BFSP2: variants seen among roughly 807,000 people sequenced by gnomAD.
BFSP2 encodes the protein beaded filament structural protein 2, also known as phakinin.
BFSP2 carries 38 observed loss-of-function variants against 44.9 expected under a neutral mutation model. The ratio of observed to expected loss-of-function variants is 0.85; its 90% CI spans 0.65 to 1.11. BFSP2 has a LOEUF of 1.11. Ranked by LOEUF, BFSP2 falls within the 50% of genes least tolerant of loss-of-function variation. The pLI, the probability that BFSP2 is intolerant of heterozygous loss-of-function variation, is 0.00. For missense variants in BFSP2, 525 were observed against 533.0 expected, an observed-to-expected ratio of 0.99 and a Z score of 0.15; for synonymous variants, 197 against 209.9, an observed-to-expected ratio of 0.94 and a Z score of 0.53.
Position 133,430,905 on chromosome 3 carries a change from G to T in BFSP2, c.490-16412G>T, listed in dbSNP as rs199979904. ...CACCTCCCCTCCTCACACCTGGTCC[G>T]GCTTATGGTTTCATTCCGTGACTAG... On this transcript the variant is annotated intron_variant, in intron 1 of 6. Transcript: ENST00000302334. Among the ~76,000 whole-genome samples the T allele has an allele frequency of 2.5e-3, 387 of 151,968 alleles. 2 individuals are homozygous for T. Among genetic ancestry groups the T allele is most frequent in the Non-Finnish European group, 3.6e-3 (248 of 67,978 alleles).
intron 4 of BFSP2, among the ~76,000 whole-genome samples, chr3:133,458,623 A>G (rs192850899): frequency 1.1e-4 from 16 of 152,314 alleles, no homozygotes; most frequent in Admixed American, 7.2e-4. Flanking sequence ...TGAACCCAGG[A>G]GGTGGAGGAT....
At chr3:133,420,390 G>C (rs1559962026) in intron 1 of BFSP2, among the ~76,000 whole-genome samples, 2 of 152,220 alleles carry the variant, frequency 1.3e-5, no homozygotes, top group Non-Finnish European at 2.9e-5. Context: ...TAAAGAAGCA[G>C]CAGTCATCAC....
rs1006159549 is a variant in BFSP2 at position 133,448,915 on chromosome 3, G to T, written c.729+270G>T. 10 of 461,258 alleles carry T rather than the reference G, an allele frequency of 2.2e-5. No individual in the cohort carries two copies. The South Asian group carries it at 2.4e-4, about 11-fold the overall frequency. The allele number at this position is 461,258 out of a possible 1,614,324, so 28.6% of individuals were successfully genotyped here. ...TTGGCACTAGCAAATGAGGGAACTT[G>T]TGTTAAATTAGAGGGAGCAACCCCT... On this transcript the variant is annotated intron_variant, in intron 3 of 6. Coordinates refer to ENST00000302334, the MANE Select transcript of BFSP2 (RefSeq NM_003571.4).
chr3:133,418,545 G>A (rs767907613), intron 1 of BFSP2, among the ~76,000 whole-genome samples: 1 of 152,110 alleles, frequency 6.6e-6, no homozygotes. Flanking sequence ...GGCCAGGAAC[G>A]TCTCCAGGGA....
Position 133,446,570 on chromosome 3 carries a change from TTATATATATATATATA to T in BFSP2, c.490-692_490-677del, listed in dbSNP as rs1168844039. On this transcript the variant is annotated intron_variant, in intron 1 of 6. Coordinates refer to ENST00000302334, the MANE Select transcript of BFSP2 (RefSeq NM_003571.4). ...CCTATCAGAGCCTTCAGCTCACCATTTATATATATATATATATATATATATATATATATATATATAT... is the reference window on the plus strand; with the variant it reads ...CCTATCAGAGCCTTCAGCTCACCATTTATATATATATATATATATATATAT... 2.7e-4 allele frequency among the ~76,000 whole-genome samples: 6 copies of T among 22,380 alleles called. 1 individual carries two copies. Among genetic ancestry groups the T allele is most frequent in the Admixed American group, 6.8e-4 (1 of 1,462 alleles). 14.7% of individuals were successfully genotyped at this position (22,380 alleles called of 152,430 possible). A position where few individuals can be genotyped will look rare whatever the true frequency, so the allele number is the denominator to read the frequency against.
intron 1 of BFSP2, among the ~76,000 whole-genome samples, chr3:133,432,977 C>A (rs2073740585): frequency 6.6e-6 from 1 of 152,214 alleles, no homozygotes; most frequent in Non-Finnish European, 1.5e-5. Flanking sequence ...CTCAAAATCA[C>A]AAACTATGCT....
At chr3:133,425,849 G>GAAGGGAAAA (rs879506132) in intron 1 of BFSP2, among the ~76,000 whole-genome samples, 1 of 118,664 alleles carries the variant, frequency 8.4e-6, no homozygotes, top group African/African-American at 3.9e-5. Flanking sequence ...ATAAAGAAGG[G>GAAGGGAAAA]AAAGGAAGGG....
chr3:133,418,711 CTA>C, intron 1 of BFSP2, among the ~76,000 whole-genome samples: 1 of 152,208 alleles, frequency 6.6e-6, no homozygotes, highest in East Asian at 1.9e-4. Context: ...GAGAACATAC[CTA>C]TGTTTTTCCT....
At chr3:133,460,029 A>G (rs1301723082) in intron 4 of BFSP2, among the ~76,000 whole-genome samples, 1 of 152,138 alleles carries the variant, frequency 6.6e-6, no homozygotes, top group Non-Finnish European at 1.5e-5. Flanking sequence ...AGTTGTTCCT[A>G]TAAATAAGGA....
At chr3:133,462,597 A>G (rs896349263) in intron 4 of BFSP2, among the ~76,000 whole-genome samples, 1 of 152,230 alleles carries the variant, frequency 6.6e-6, no homozygotes, top group Non-Finnish European at 1.5e-5. Flanking sequence ...AAATATATGT[A>G]TATGTATATA....
intron 1 of BFSP2, among the ~76,000 whole-genome samples, chr3:133,401,545 T>C (rs891717199): frequency 6.6e-6 from 1 of 152,214 alleles, no homozygotes; most frequent in African/African-American, 2.4e-5. Flanking sequence ...CTGCGGAGTC[T>C]GGAGCACATC....
intron 4 of BFSP2, among the ~76,000 whole-genome samples, chr3:133,457,558 T>A (rs7648586): frequency 0.21 from 32,391 of 151,778 alleles, 4,199 homozygotes; most frequent in African/African-American, 0.37. Flanking sequence ...ATATATATAT[T>A]TTTTTTCCTG....
intron 4 of BFSP2, among the ~76,000 whole-genome samples, chr3:133,459,143 C>T (rs2074039423): frequency 6.6e-6 from 1 of 152,076 alleles, no homozygotes; most frequent in Admixed American, 6.5e-5. Flanking sequence ...AGTTTGAGAT[C>T]AGCCTGGGCA....
At chr3:133,419,895 T>C (rs2073576924) in intron 1 of BFSP2, among the ~76,000 whole-genome samples, 1 of 152,244 alleles carries the variant, frequency 6.6e-6, no homozygotes, top group South Asian at 2.1e-4. Context: ...CCATGGTGTG[T>C]GGCTCCGGCT....
chr3:133,428,190 A>C (rs2073671134), intron 1 of BFSP2, among the ~76,000 whole-genome samples: 1 of 152,162 alleles, frequency 6.6e-6, no homozygotes. Flanking sequence ...TGGATTCCTG[A>C]GACGCAAAGC....
chr3:133,418,429 G>A (rs945443387), intron 1 of BFSP2, among the ~76,000 whole-genome samples: 2 of 152,188 alleles, frequency 1.3e-5, no homozygotes, highest in Non-Finnish European at 2.9e-5. Flanking sequence ...GGGACAAGGA[G>A]GAGAAGCCCC....
chr3:133,424,039 CTTT>C (rs148089425), intron 1 of BFSP2, among the ~76,000 whole-genome samples: 1 of 141,094 alleles, frequency 7.1e-6, no homozygotes. Context: ...TTCTCTTCTG[CTTT>C]TTTTTTTTGC....
At chr3:133,406,148 A>G (rs1445753887) in intron 1 of BFSP2, among the ~76,000 whole-genome samples, 1 of 150,892 alleles carries the variant, frequency 6.6e-6, no homozygotes, top group Non-Finnish European at 1.5e-5. Flanking sequence ...TAGTAGAGAC[A>G]GGGTTTCACC....
At chr3:133,417,785 T>TCAGCTCCTACTGCTAGCC in intron 1 of BFSP2, among the ~76,000 whole-genome samples, 1 of 132,686 alleles carries the variant, frequency 7.5e-6, no homozygotes, top group Non-Finnish European at 1.6e-5. Flanking sequence ...TATTCACCCC[T>TCAGCTCCTACTGCTAGCC]CTACTAGACC....
Sources: allele counts gnomAD v4.1 joint callset (sites outside exome capture counted in the v4.1 genomes callset), GRCh38; gene constraint gnomAD v4.1.1; transcripts MANE v1.5; gene names NCBI Gene and HGNC (gene_info 2026-07-23, HGNC 2026-07-21).